The following ARHGEF3 variants were observed in gnomAD, a reference collection of about 807,000 sequenced individuals.
The protein encoded by ARHGEF3 is 59.8 kDA protein.
A neutral mutation model predicts 63.2 loss-of-function variants in ARHGEF3; 28 were observed. The ratio of observed to expected loss-of-function variants is 0.44; its 90% CI spans 0.33 to 0.61. The LOEUF (loss-of-function observed/expected upper bound fraction) is 0.61, where lower values mean the gene tolerates loss of function less well. Ranked by LOEUF, ARHGEF3 falls within the 20% of genes least tolerant of loss-of-function variation. The pLI, the probability that ARHGEF3 is intolerant of heterozygous loss-of-function variation, is 0.03. For missense variants in ARHGEF3, 533 were observed against 659.3 expected (o/e 0.81, Z 2.10); for synonymous variants, 266 against 254.2 (o/e 1.05, Z -0.44).
chr3:56,995,620 C>A (rs1182334787), intron 2 of ARHGEF3, among the ~76,000 whole-genome samples: 22 of 113,226 alleles, frequency 1.9e-4, no homozygotes, highest in Admixed American at 1.3e-3. Context: ...GTAAATTTTC[C>A]GAGAGAGAGA....
At chr3:56,913,357 A>G (rs1390700845) in intron 3 of ARHGEF3, among the ~76,000 whole-genome samples, 4 of 152,362 alleles carry the variant, frequency 2.6e-5, no homozygotes, top group South Asian at 4.1e-4. Context: ...TTGAACAGAC[A>G]TTTCTGCAAA....
intron 2 of ARHGEF3, among the ~76,000 whole-genome samples, chr3:56,964,072 C>T (rs1211591025): frequency 7.2e-5 from 11 of 152,282 alleles, no homozygotes; most frequent in Non-Finnish European, 4.4e-5. Flanking sequence ...ATCACAGAGG[C>T]TGCATGCGGT....
At chr3:57,010,895 A>G (rs914847380) in intron 2 of ARHGEF3, among the ~76,000 whole-genome samples, 1 of 152,236 alleles carries the variant, frequency 6.6e-6, no homozygotes, top group Non-Finnish European at 1.5e-5. Flanking sequence ...CACTCCACTA[A>G]GCTTAGAAAG....
At chr3:56,790,493 C>T (rs1207656367) in intron 1 of ARHGEF3, among the ~76,000 whole-genome samples, 2 of 152,140 alleles carry the variant, frequency 1.3e-5, no homozygotes, top group African/African-American at 4.8e-5. Context: ...ACACAATCAC[C>T]AGGATGGCTG....
At chr3:56,792,128 G>T (rs1232856309) in intron 1 of ARHGEF3, among the ~76,000 whole-genome samples, 2 of 142,730 alleles carry the variant, frequency 1.4e-5, no homozygotes, top group Non-Finnish European at 3.1e-5. Flanking sequence ...GAAAAGAAAA[G>T]AAAAGAAAAG....
chr3:56,828,586 C>T (rs2038817305), intron 4 of ARHGEF3, among the ~76,000 whole-genome samples: 1 of 152,118 alleles, frequency 6.6e-6, no homozygotes, highest in Admixed American at 6.6e-5. Flanking sequence ...GTTCATTATA[C>T]TATATCAACC....
At chr3:56,818,720 C>A (rs1207499337) in intron 4 of ARHGEF3, among the ~76,000 whole-genome samples, 1 of 152,140 alleles carries the variant, frequency 6.6e-6, no homozygotes, top group Non-Finnish European at 1.5e-5. Context: ...TCCCCCTGCA[C>A]CCCCTGCTGC....
chr3:56,841,892 T>C (rs2039320881), intron 4 of ARHGEF3, among the ~76,000 whole-genome samples: 1 of 152,214 alleles, frequency 6.6e-6, no homozygotes. Flanking sequence ...AAAGATGGCA[T>C]CTTTTGCAGA....
chr3:57,003,676 T>A (rs998116019), intron 2 of ARHGEF3, among the ~76,000 whole-genome samples: 4 of 152,134 alleles, frequency 2.6e-5, no homozygotes, highest in Admixed American at 2.6e-4. Context: ...GTATCGTGGA[T>A]TCTCCAGGTG....
chr3:56,977,158 AG>A (rs1701156116), intron 2 of ARHGEF3: 1 of 440,312 alleles, frequency 2.3e-6, no homozygotes, highest in Non-Finnish European at 4.6e-6. Flanking sequence ...GTCCAATTCC[AG>A]GATCCTGCCC....
chr3:56,920,049 A>G (rs1022222155), intron 3 of ARHGEF3, among the ~76,000 whole-genome samples: 4 of 152,216 alleles, frequency 2.6e-5, no homozygotes, highest in Non-Finnish European at 5.9e-5. Flanking sequence ...TTGGAATGAA[A>G]AGCCTCATTT....
intron 2 of ARHGEF3, among the ~76,000 whole-genome samples, chr3:56,763,661 T>G (rs75945176): frequency 0.012 from 1,876 of 152,282 alleles, 39 homozygotes; most frequent in African/African-American, 0.043. Context: ...GTTAACAAGG[T>G]TTACACCCCT....
chr3:56,850,564 G>A (rs2039642273), intron 4 of ARHGEF3, among the ~76,000 whole-genome samples: 1 of 152,092 alleles, frequency 6.6e-6, no homozygotes, highest in African/African-American at 2.4e-5. Context: ...TGGTTATTTG[G>A]AACCTGAAAT....
chr3:56,931,171 C>T (rs1413556358), intron 3 of ARHGEF3, among the ~76,000 whole-genome samples: 1 of 152,156 alleles, frequency 6.6e-6, no homozygotes, highest in African/African-American at 2.4e-5. Flanking sequence ...TGCTGATGAA[C>T]TTCCTAATGC....
chr3:56,739,521 C>T (rs890341315), intron 7 of ARHGEF3, among the ~76,000 whole-genome samples: 2 of 151,716 alleles, frequency 1.3e-5, no homozygotes, highest in African/African-American at 2.4e-5. Context: ...CCACCTCAGC[C>T]TCCTGATAGC....
intron 1 of ARHGEF3, among the ~76,000 whole-genome samples, chr3:56,780,258 A>G (rs2036504275): frequency 6.6e-6 from 1 of 152,238 alleles, no homozygotes; most frequent in Non-Finnish European, 1.5e-5. Context: ...TGTTTTTGCT[A>G]AAGATTATTC....
intron 1 of ARHGEF3, among the ~76,000 whole-genome samples, chr3:57,051,894 A>G (rs115385630): frequency 0.023 from 3,517 of 152,098 alleles, 142 homozygotes; most frequent in African/African-American, 0.079. Context: ...AACTGGGGAG[A>G]CAAGGTTGCA....
At chr3:56,866,552 C>CA (rs1265328265) in intron 4 of ARHGEF3, among the ~76,000 whole-genome samples, 1 of 152,154 alleles carries the variant, frequency 6.6e-6, no homozygotes, top group Admixed American at 6.5e-5. Flanking sequence ...GTATTTTTTT[C>CA]ACAATATTGA....
chr3:57,044,456 AAC>A (rs1478479596), intron 1 of ARHGEF3, among the ~76,000 whole-genome samples: 7 of 152,178 alleles, frequency 4.6e-5, no homozygotes, highest in Non-Finnish European at 8.8e-5. Flanking sequence ...TGTATTTCTA[AAC>A]ACAGTGTCAA....
Sources: allele counts gnomAD v4.1 joint callset (sites outside exome capture counted in the v4.1 genomes callset), GRCh38; gene constraint gnomAD v4.1.1; transcripts MANE v1.5; gene names NCBI Gene and HGNC (gene_info 2026-07-23, HGNC 2026-07-21).